The following MANBA variants were observed in gnomAD, a reference collection of about 807,000 sequenced individuals.
MANBA encodes mannosidase beta.
In MANBA, 83 loss-of-function variants were observed where a neutral mutation model predicts 111.1. The observed-to-expected ratio is 0.75, with a 90% CI of 0.63 to 0.90. The LOEUF (loss-of-function observed/expected upper bound fraction) is 0.90, where lower values mean the gene tolerates loss of function less well. MANBA is among the 40% of genes least tolerant of loss of function. The pLI is 0.00. For missense variants in MANBA, 1,036 were observed against 1,069.0 expected (o/e 0.97, Z 0.43); for synonymous variants, 370 against 378.7 (o/e 0.98, Z 0.27).
chr4:102,664,357 T>A (rs991215241), intron 11 of MANBA, among the ~76,000 whole-genome samples: 1 of 151,962 alleles, frequency 6.6e-6, no homozygotes, highest in African/African-American at 2.4e-5. Flanking sequence ...ACATTCTTTT[T>A]TTTTTTTTTG....
intron 5 of MANBA, among the ~76,000 whole-genome samples, chr4:102,692,572 G>A (rs984168202): frequency 2.6e-5 from 4 of 152,090 alleles, no homozygotes; most frequent in Non-Finnish European, 2.9e-5. Flanking sequence ...TTAAAGTTAC[G>A]CAGAAGAAAC....
chr4:102,631,707 A>T lies in MANBA; in HGVS notation c.*350T>A, dbSNP rs1382594610. 2 of 536,500 alleles carry T rather than the reference A, an allele frequency of 3.7e-6. No individual in the cohort carries two copies. The highest frequency in any genetic ancestry group is 6.5e-6 in the Non-Finnish European group (2 of 305,972). The allele number at this position is 536,500 out of a possible 1,614,324, so 33.2% of individuals were successfully genotyped here. A position where few individuals can be genotyped will look rare whatever the true frequency, so the allele number is the denominator to read the frequency against. Reference sequence around the variant, plus strand: ...GACCTACATCACCTCAAAACCTTCCATTTGGTTCCATAGATCCTGCCATGT... The same window carrying T: ...GACCTACATCACCTCAAAACCTTCCTTTTGGTTCCATAGATCCTGCCATGT... On this transcript the variant is annotated 3_prime_UTR_variant, in exon 17 of 17. Transcript: ENST00000647097.
intron 14 of MANBA, among the ~76,000 whole-genome samples, chr4:102,636,421 G>A (rs1354236600): frequency 6.6e-6 from 1 of 152,214 alleles, no homozygotes; most frequent in East Asian, 1.9e-4. Context: ...AAATGGGACA[G>A]TGAAAATACA....
rs1236209841 is a variant in MANBA at position 102,726,576 on chromosome 4, C to T, written c.272+13G>A. The T allele has an allele frequency of 2.2e-6, 3 of 1,348,462 alleles. No homozygotes were observed. The highest frequency in any genetic ancestry group is 1.7e-5 in the Admixed American group (1 of 58,706). 83.5% of individuals were successfully genotyped at this position (1,348,462 alleles called of 1,614,324 possible). A position where few individuals can be genotyped will look rare whatever the true frequency, so the allele number is the denominator to read the frequency against. On this transcript the variant is annotated intron_variant, in intron 2 of 16. Transcript: ENST00000647097. ...TCAAATAATAATAAAAATACACCCA[C>T]AAACATACATACCTAATTTCAAAGG...
intron 13 of MANBA, among the ~76,000 whole-genome samples, chr4:102,642,556 G>A (rs561253762): frequency 9.7e-4 from 147 of 152,042 alleles, no homozygotes; most frequent in Non-Finnish European, 4.9e-4. Flanking sequence ...GCAGTGAGCC[G>A]AGATCAAGCC....
intron 11 of MANBA, 72 bp from the exon 12 acceptor site, chr4:102,657,972 A>T: frequency 8.7e-7 from 1 of 1,146,220 alleles, no homozygotes; most frequent in Non-Finnish European, 1.3e-6. Context: ...TTACTTCTTT[A>T]AAAATACTAA....
intron 14 of MANBA, among the ~76,000 whole-genome samples, chr4:102,639,332 T>G (rs189778089): frequency 2.6e-4 from 39 of 152,330 alleles, no homozygotes; most frequent in Admixed American, 2.5e-3. Context: ...TCTACCTGAT[T>G]GAATTCTCCA....
chr4:102,689,477 G>T, intron 7 of MANBA, 97 bp downstream of exon 7: 1 of 760,498 alleles, frequency 1.3e-6, no homozygotes, highest in Non-Finnish European at 2.2e-6. Flanking sequence ...GGGGACACAA[G>T]AGTTTTGACG....
At chr4:102,702,085 C>G (rs1419712445) in intron 5 of MANBA, among the ~76,000 whole-genome samples, 1 of 151,928 alleles carries the variant, frequency 6.6e-6, no homozygotes, top group Non-Finnish European at 1.5e-5. Context: ...CTCTAAACTT[C>G]CCTTCTCGCT....
intron 5 of MANBA, among the ~76,000 whole-genome samples, chr4:102,707,950 A>C (rs1014835815): frequency 1.3e-5 from 2 of 152,172 alleles, no homozygotes; most frequent in African/African-American, 4.8e-5. Context: ...GATCAAATCC[A>C]CAAGAGAATA....
At position 102,650,577 on chromosome 4, in the gene MANBA, T is replaced by G. The variant is rs933281959; in HGVS notation, c.1829A>C (p.Asp610Ala). The G allele has an allele frequency of 3.1e-6, 5 of 1,613,426 alleles. No individual in the cohort carries two copies. In the African/African-American group the frequency reaches 5.3e-5, roughly 17 times the overall value. The change falls in exon 13 of 17, where the codon GAT (aspartate) becomes GCT (alanine). Residue 610 changes from aspartate to alanine, a missense_variant. Coordinates refer to ENST00000647097, the MANE Select transcript of MANBA (RefSeq NM_005908.4). Reference sequence around the variant, plus strand: ...GGTATCTTTAAATGTGCGTAATGGATCTGTGCTTTGGGGGAGTTTGAAATG... The same window carrying G: ...GGTATCTTTAAATGTGCGTAATGGAGCTGTGCTTTGGGGGAGTTTGAAATG... ...GLHFKLPQST[D>A]PLRTFKDTIY...
chr4:102,636,847 GTTA>G (rs1471877504), intron 14 of MANBA, among the ~76,000 whole-genome samples: 1 of 152,146 alleles, frequency 6.6e-6, no homozygotes, highest in Non-Finnish European at 1.5e-5. Flanking sequence ...TTCTTCTACA[GTTA>G]GATATGGTTT....
At chr4:102,737,235 G>T (rs1389534654) in intron 1 of MANBA, among the ~76,000 whole-genome samples, 1 of 152,182 alleles carries the variant, frequency 6.6e-6, no homozygotes, top group Non-Finnish European at 1.5e-5. Flanking sequence ...GAGCTTGGGG[G>T]TGGTGAACAG....
chr4:102,641,796 TA>T (rs1252325733), intron 13 of MANBA, among the ~76,000 whole-genome samples: 9 of 152,200 alleles, frequency 5.9e-5, no homozygotes, highest in African/African-American at 2.2e-4. Flanking sequence ...AGGTAAAACT[TA>T]TTAGTTCCTT....
chr4:102,664,645 T>C (rs1050507659), intron 11 of MANBA, 40 bp downstream of exon 11: 2 of 1,567,312 alleles, frequency 1.3e-6, no homozygotes, highest in South Asian at 1.1e-5. Context: ...GCCCTAAAGA[T>C]ACATTCTTAA....
At chr4:102,669,596 C>T (rs1215072182) in intron 9 of MANBA, among the ~76,000 whole-genome samples, 1 of 152,102 alleles carries the variant, frequency 6.6e-6, no homozygotes, top group African/African-American at 2.4e-5. Context: ...GTAATCCCAG[C>T]ACTTTGGGAG....
chr4:102,710,505 A>G (rs1021983508), intron 5 of MANBA, among the ~76,000 whole-genome samples: 2 of 152,164 alleles, frequency 1.3e-5, no homozygotes, highest in African/African-American at 4.8e-5. Context: ...AAATAAATTG[A>G]AGAGGTCACA....
intron 7 of MANBA, among the ~76,000 whole-genome samples, chr4:102,680,064 G>A (rs539270602): frequency 4.3e-4 from 66 of 152,284 alleles, no homozygotes; most frequent in African/African-American, 1.4e-3. Context: ...CAATTGGGGC[G>A]TTTGGCATTG....
chr4:102,648,296 A>G (rs530634185), intron 13 of MANBA, among the ~76,000 whole-genome samples: 8 of 152,258 alleles, frequency 5.3e-5, no homozygotes, highest in African/African-American at 1.7e-4. Flanking sequence ...ATTATTCATA[A>G]TAGCCAAAAA....
Sources: gnomAD v4.1 joint callset for allele counts (sites outside exome capture counted in the v4.1 genomes callset) on GRCh38, gnomAD v4.1.1 for gene constraint, MANE v1.5 for transcripts, NCBI Gene and HGNC (gene_info 2026-07-23, HGNC 2026-07-21) for gene names.